The following C9orf153 variants were observed in gnomAD, a reference collection of about 807,000 sequenced individuals.
C9orf153 encodes the protein chromosome 9 open reading frame 153.
Under a neutral mutation model 9.0 loss-of-function variants are expected in C9orf153, and 10 were observed. That is an observed-to-expected ratio of 1.11 (90% confidence interval 0.69 to 1.89). C9orf153 has a LOEUF of 1.89. C9orf153 is among the 40% of genes most tolerant of loss of function. C9orf153 has a pLI of 0.00. For missense variants in C9orf153, 108 were observed against 111.0 expected, an observed-to-expected ratio of 0.97 and a Z score of 0.12; for synonymous variants, 35 against 37.3, an observed-to-expected ratio of 0.94 and a Z score of 0.23.
At chr9:86,245,634 T>C (rs950951363) in intron 1 of C9orf153, among the ~76,000 whole-genome samples, 14 of 152,162 alleles carry the variant, frequency 9.2e-5, no homozygotes, top group Admixed American at 2.0e-4. Context: ...GGGGAGGCGA[T>C]TGAGTAGCTT....
At chr9:86,250,432 C>T (rs551618304) in intron 1 of C9orf153, among the ~76,000 whole-genome samples, 1 of 152,228 alleles carries the variant, frequency 6.6e-6, no homozygotes, top group South Asian at 2.1e-4. Context: ...TTCTTCCATT[C>T]AGCATGTCAA....
intron 1 of C9orf153, among the ~76,000 whole-genome samples, chr9:86,254,414 A>G (rs976390668): frequency 6.6e-6 from 1 of 152,218 alleles, no homozygotes; most frequent in Non-Finnish European, 1.5e-5. Flanking sequence ...ATGCTAAACA[A>G]TCTGGTATAA....
chr9:86,257,995 T>C (rs1196519665), intron 1 of C9orf153, among the ~76,000 whole-genome samples: 1 of 152,190 alleles, frequency 6.6e-6, no homozygotes. Flanking sequence ...GATTGCTTTC[T>C]TGTGTGGGTT....
chr9:86,240,841 T>A (rs976672804), intron 1 of C9orf153, among the ~76,000 whole-genome samples: 5 of 150,892 alleles, frequency 3.3e-5, no homozygotes, highest in African/African-American at 1.2e-4. Flanking sequence ...CCCGAGTAGC[T>A]AGGACTATAG....
At chr9:86,234,081 CA>C (rs961684673) in intron 1 of C9orf153, among the ~76,000 whole-genome samples, 8 of 149,624 alleles carry the variant, frequency 5.3e-5, no homozygotes, top group East Asian at 2.0e-4. Flanking sequence ...GACTCTGTCT[CA>C]AAAAAAAATG....
At chr9:86,245,083 C>T (rs1239376804) in intron 1 of C9orf153, among the ~76,000 whole-genome samples, 1 of 152,118 alleles carries the variant, frequency 6.6e-6, no homozygotes, top group Non-Finnish European at 1.5e-5. Flanking sequence ...CCTGCCACCA[C>T]AACCAACTAA....
intron 1 of C9orf153, among the ~76,000 whole-genome samples, chr9:86,235,765 AAAAG>A (rs1824571763): frequency 6.7e-6 from 1 of 149,794 alleles, no homozygotes; most frequent in Admixed American, 6.6e-5. Flanking sequence ...AAAAAAAAAA[AAAAG>A]AGAGAGAGAA....
intron 2 of C9orf153, chr9:86,229,096 G>A (rs1824404469): frequency 6.2e-6 from 1 of 160,978 alleles, no homozygotes; most frequent in African/African-American, 2.4e-5. Flanking sequence ...TTAGAAATTG[G>A]TACATAGGTG....
chr9:86,232,825 C>T (rs942442222), intron 1 of C9orf153, among the ~76,000 whole-genome samples: 7 of 152,012 alleles, frequency 4.6e-5, no homozygotes, highest in Non-Finnish European at 8.8e-5. Context: ...CTCCAGTTCC[C>T]GGGTTCAAGC....
At chr9:86,255,064 G>GAAA (rs36169949) in intron 1 of C9orf153, among the ~76,000 whole-genome samples, 3 of 137,758 alleles carry the variant, frequency 2.2e-5, no homozygotes, top group Non-Finnish European at 4.7e-5. Flanking sequence ...CGCTGTCTCA[G>GAAA]AAAAAAAAAA....
chr9:86,229,694 G>T, intron 1 of C9orf153, 65 bp from the exon 2 acceptor site: 1 of 925,700 alleles, frequency 1.1e-6, no homozygotes, highest in Non-Finnish European at 1.7e-6. Context: ...ATACAAAGGG[G>T]GAGGTGAGAC....
chr9:86,222,123 G>A (rs1352482123), intron 3 of C9orf153, among the ~76,000 whole-genome samples: 1 of 151,984 alleles, frequency 6.6e-6, no homozygotes, highest in Non-Finnish European at 1.5e-5. Context: ...CCTGACCTCA[G>A]GTGATCCACC....
intron 1 of C9orf153, among the ~76,000 whole-genome samples, chr9:86,249,609 C>T (rs746244403): frequency 3.7e-4 from 56 of 149,844 alleles, no homozygotes; most frequent in Non-Finnish European, 5.5e-4. Context: ...AGCGCAGTGG[C>T]GCGATTTTGG....
intron 1 of C9orf153, among the ~76,000 whole-genome samples, chr9:86,245,129 G>T (rs1824838056): frequency 6.6e-6 from 1 of 152,144 alleles, no homozygotes. Context: ...GTCTCACCGT[G>T]TTGGCCAGGC....
intron 1 of C9orf153, among the ~76,000 whole-genome samples, chr9:86,234,125 C>CA (rs552214286): frequency 3.5e-4 from 53 of 152,270 alleles, no homozygotes; most frequent in Non-Finnish European, 6.3e-4. Flanking sequence ...AATGCTACCG[C>CA]AATGCCATAA....
chr9:86,238,305 T>C (rs1824649128), intron 1 of C9orf153, among the ~76,000 whole-genome samples: 1 of 152,312 alleles, frequency 6.6e-6, no homozygotes, highest in Non-Finnish European at 1.5e-5. Context: ...ATCTATAGAC[T>C]ACTACTTCAT....
At chr9:86,243,077 T>G (rs1355647370) in intron 1 of C9orf153, among the ~76,000 whole-genome samples, 1 of 152,190 alleles carries the variant, frequency 6.6e-6, no homozygotes, top group Non-Finnish European at 1.5e-5. Flanking sequence ...TTTGGATTTG[T>G]TTTTTACAGA....
intron 1 of C9orf153, among the ~76,000 whole-genome samples, chr9:86,239,334 G>A (rs886913869): frequency 6.6e-5 from 10 of 151,468 alleles, no homozygotes; most frequent in African/African-American, 2.4e-4. Context: ...TGAGAAATTT[G>A]TGTTTTCTTT....
intron 1 of C9orf153, among the ~76,000 whole-genome samples, chr9:86,251,353 AAAT>A (rs1312592881): frequency 1.3e-5 from 2 of 152,200 alleles, no homozygotes; most frequent in African/African-American, 2.4e-5. Flanking sequence ...ATGTTTCTAA[AAAT>A]AATAAAATGT....
Sources: gnomAD v4.1 joint callset for allele counts (sites outside exome capture counted in the v4.1 genomes callset) on GRCh38, gnomAD v4.1.1 for gene constraint, MANE v1.5 for transcripts, NCBI Gene and HGNC (gene_info 2026-07-23, HGNC 2026-07-21) for gene names.